VPS35L: variants seen among roughly 807,000 people sequenced by gnomAD.
VPS35L encodes the protein VPS35 endosomal protein-sorting factor-like.
In VPS35L, 83 loss-of-function variants were observed where a neutral mutation model predicts 133.0. The observed-to-expected ratio is 0.62, with a 90% CI of 0.52 to 0.75. VPS35L has a LOEUF of 0.75. VPS35L is among the 30% of genes least tolerant of loss of function. The pLI is 0.00. For synonymous variants in VPS35L, 423 were observed against 449.9 expected, an observed-to-expected ratio of 0.94 and a Z score of 0.76; for missense variants, 1,083 against 1,206.8, an observed-to-expected ratio of 0.90 and a Z score of 1.52.
At chr16:19,562,646 C>T (rs1971062588) in intron 1 of VPS35L, among the ~76,000 whole-genome samples, 1 of 152,066 alleles carries the variant, frequency 6.6e-6, no homozygotes, top group African/African-American at 2.4e-5. Flanking sequence ...TAAACCATAA[C>T]CTATGAAATT....
chr16:19,623,766 T>TTTATTA lies in VPS35L; in HGVS notation c.1225-2366_1225-2361dup, dbSNP rs199933640. Among the ~76,000 whole-genome samples the TTTATTA allele has an allele frequency of 2.0e-3, 253 of 126,832 alleles. 2 individuals carry two copies. The highest frequency in any genetic ancestry group is 3.8e-3 in the Middle Eastern group (1 of 262). 83.2% of individuals were successfully genotyped at this position (126,832 alleles called of 152,430 possible). On this transcript the variant is annotated intron_variant, in intron 14 of 30. Coordinates refer to ENST00000417362, the MANE Select transcript of VPS35L (RefSeq NM_020314.7). ...TTATTTTTTACTTTTTACTTATTTA[T>TTTATTA]TTATTATTATTATTATTATTATTAT...
At chr16:19,669,577 G>A (rs1044162366) in intron 27 of VPS35L, among the ~76,000 whole-genome samples, 1 of 152,014 alleles carries the variant, frequency 6.6e-6, no homozygotes, top group Admixed American at 6.6e-5. Context: ...AGTTCTTAAA[G>A]CTGGAAGTCT....
chr16:19,629,117 T>C (rs1397812923), intron 17 of VPS35L, among the ~76,000 whole-genome samples: 1 of 152,176 alleles, frequency 6.6e-6, no homozygotes, highest in Non-Finnish European at 1.5e-5. Flanking sequence ...GTCCAAGTTT[T>C]GGCATCTGCT....
intron 29 of VPS35L, among the ~76,000 whole-genome samples, chr16:19,698,905 G>A (rs756301711): frequency 2.3e-4 from 35 of 152,076 alleles, no homozygotes; most frequent in Non-Finnish European, 4.0e-4. Flanking sequence ...GTTCAGGTTC[G>A]GTCTGCCGTG....
intron 6 of VPS35L, among the ~76,000 whole-genome samples, chr16:19,580,434 C>T (rs557691292): frequency 5.3e-4 from 80 of 152,052 alleles, no homozygotes; most frequent in African/African-American, 1.9e-3. Context: ...TTTAATAAAG[C>T]GTTTTTCACT....
At chr16:19,581,046 G>A (rs371689865) in intron 6 of VPS35L, among the ~76,000 whole-genome samples, 77 of 152,008 alleles carry the variant, frequency 5.1e-4, no homozygotes, top group African/African-American at 1.6e-3. Flanking sequence ...GTTAATATCC[G>A]TCTGTCTTCA....
At chr16:19,602,493 C>G (rs976986700) in intron 9 of VPS35L, among the ~76,000 whole-genome samples, 1 of 151,992 alleles carries the variant, frequency 6.6e-6, no homozygotes, top group African/African-American at 2.4e-5. Flanking sequence ...TTCCTCTTTC[C>G]TTTATTCCTC....
At chr16:19,664,587 A>G (rs1974598933) in intron 26 of VPS35L, among the ~76,000 whole-genome samples, 1 of 151,912 alleles carries the variant, frequency 6.6e-6, no homozygotes, top group Non-Finnish European at 1.5e-5. Flanking sequence ...GAAAAAAAAA[A>G]AAGGTATATG....
intron 9 of VPS35L, among the ~76,000 whole-genome samples, chr16:19,604,030 C>T (rs546539345): frequency 4.1e-4 from 63 of 152,234 alleles, no homozygotes; most frequent in Non-Finnish European, 8.4e-4. Flanking sequence ...CCACGCCCGG[C>T]CGAATCCATT....
At chr16:19,634,395 G>A (rs563021039) in intron 19 of VPS35L, among the ~76,000 whole-genome samples, 1 of 148,358 alleles carries the variant, frequency 6.7e-6, no homozygotes, top group African/African-American at 2.5e-5. Flanking sequence ...CCTCCAGCCC[G>A]GGTGAGAGAG....
chr16:19,604,905 C>T (rs979316155), intron 9 of VPS35L, among the ~76,000 whole-genome samples: 1 of 152,262 alleles, frequency 6.6e-6, no homozygotes, highest in Non-Finnish European at 1.5e-5. Flanking sequence ...GTTCTTAATC[C>T]AGCTTATGCA....
chr16:19,667,734 G>GAA (rs561897457), intron 26 of VPS35L, among the ~76,000 whole-genome samples: 26 of 113,740 alleles, frequency 2.3e-4, no homozygotes, highest in Admixed American at 6.6e-4. Context: ...ACCCTGTCTG[G>GAA]AAAAAAAAAA....
chr16:19,570,665 G>T (rs1417676885), intron 3 of VPS35L, among the ~76,000 whole-genome samples: 6 of 151,470 alleles, frequency 4.0e-5, no homozygotes, highest in Admixed American at 4.0e-4. Flanking sequence ...TTTTTCCGGA[G>T]TGCGTTTTGT....
intron 24 of VPS35L, among the ~76,000 whole-genome samples, chr16:19,649,295 T>C (rs1974052701): frequency 6.6e-6 from 1 of 152,164 alleles, no homozygotes; most frequent in African/African-American, 2.4e-5. Flanking sequence ...CTGCCAATTT[T>C]TTTCTTAACC....
chr16:19,626,041 C>G (rs1239195993), intron 14 of VPS35L, 136 bp from the exon 15 acceptor site: 1 of 592,700 alleles, frequency 1.7e-6, no homozygotes, highest in African/African-American at 1.9e-5. Context: ...CTCCCCATCC[C>G]TACCAGACAC....
chr16:19,662,342 TA>T (rs111626049), intron 26 of VPS35L, among the ~76,000 whole-genome samples: 70 of 147,622 alleles, frequency 4.7e-4, no homozygotes, highest in African/African-American at 1.1e-3. Flanking sequence ...CCATCTCTAC[TA>T]AAAAAAAAAA....
intron 3 of VPS35L, among the ~76,000 whole-genome samples, chr16:19,572,574 CTT>C (rs2151509461): frequency 6.6e-6 from 1 of 152,310 alleles, no homozygotes; most frequent in East Asian, 1.9e-4. Flanking sequence ...CATTTTAACT[CTT>C]TGACATTCTG....
chr16:19,670,096 G>C (rs979791442), intron 27 of VPS35L, among the ~76,000 whole-genome samples: 4 of 152,216 alleles, frequency 2.6e-5, no homozygotes, highest in Non-Finnish European at 5.9e-5. Context: ...CTCCTGAGCA[G>C]CTGGGACTGC....
At chr16:19,608,869 C>T (rs1972619345) in intron 10 of VPS35L, 105 bp from the exon 11 acceptor site, 12 of 919,210 alleles carry the variant, frequency 1.3e-5, no homozygotes, top group South Asian at 5.8e-5. Flanking sequence ...ACTGTGGTCC[C>T]CATCTCCTAA....
Sources: allele counts gnomAD v4.1 joint callset (sites outside exome capture counted in the v4.1 genomes callset), GRCh38; gene constraint gnomAD v4.1.1; transcripts MANE v1.5; gene names NCBI Gene and HGNC (gene_info 2026-07-23, HGNC 2026-07-21).